CAPN9: variants seen among roughly 807,000 people sequenced by gnomAD.
CAPN9 encodes the protein calpain-9.
A neutral mutation model predicts 92.8 loss-of-function variants in CAPN9; 81 were observed. That is an observed-to-expected ratio of 0.87 (90% CI 0.73 to 1.05). The LOEUF (loss-of-function observed/expected upper bound fraction) is 1.05. Ranked by LOEUF, CAPN9 falls within the 50% of genes least tolerant of loss-of-function variation. CAPN9 has a pLI of 0.00. For synonymous variants in CAPN9, 304 were observed against 328.0 expected (o/e 0.93, Z 0.79); for missense variants, 848 against 866.2 (o/e 0.98, Z 0.26).
intron 1 of CAPN9, among the ~76,000 whole-genome samples, chr1:230,751,593 GAAA>G: frequency 6.2e-5 from 1 of 16,084 alleles, no homozygotes; most frequent in East Asian, 1.8e-3. Flanking sequence ...AACAAAGAAA[GAAA>G]GAAAGAAAGA....
At chr1:230,760,626 G>A (rs1665571237) in intron 3 of CAPN9, among the ~76,000 whole-genome samples, 1 of 152,190 alleles carries the variant, frequency 6.6e-6, no homozygotes, top group South Asian at 2.1e-4. Flanking sequence ...GGCCTCCTGC[G>A]CCGGCTGGGG....
Position 230,759,504 on chromosome 1 carries a change from T to G in CAPN9, c.284-8T>G. The G allele has an allele frequency of 6.3e-7, 1 of 1,587,396 alleles. No individual in the cohort carries two copies. The highest frequency in any genetic ancestry group is 8.6e-7 in the Non-Finnish European group (1 of 1,166,804). On this transcript the variant is annotated splice_region_variant and splice_polypyrimidine_tract_variant and intron_variant, in intron 2 of 19. Coordinates refer to ENST00000271971, the MANE Select transcript of CAPN9 (RefSeq NM_006615.3). The stretch of plus-strand genomic sequence containing the variant: ...TGAAAATTGTGATTTATGGCTTCCA[T>G]TTTGCAGGAGACTGCTGGCTATTAG...
chr1:230,761,875 A>T (rs1384502671), intron 3 of CAPN9, among the ~76,000 whole-genome samples: 3 of 152,184 alleles, frequency 2.0e-5, no homozygotes, highest in Non-Finnish European at 4.4e-5. Context: ...ACAAGCTCAT[A>T]CACATGCATA....
rs923651649 is a variant in CAPN9 at position 230,752,084 on chromosome 1, G to A, written c.214-3253G>A. ...ACACGCACATGCAGGACACTCACACGTAGACAATGCTCCCAAGTGCACATG... is the reference window on the plus strand; with the variant it reads ...ACACGCACATGCAGGACACTCACACATAGACAATGCTCCCAAGTGCACATG... On this transcript the variant is annotated intron_variant, in intron 1 of 19. Transcript: ENST00000271971. Among the ~76,000 whole-genome samples, 8 of 152,262 alleles carry A rather than the reference G, an allele frequency of 5.3e-5. No homozygotes were observed. The South Asian group carries it at 8.3e-4, about 16-fold the overall frequency.
At position 230,768,142 on chromosome 1, in the gene CAPN9, G is replaced by A. The variant is rs939103135; in HGVS notation, c.705+433G>A. ...GGTGTGTGTCTGGAGTCTGAGGCAG[G>A]AGGATCCCTTGAGCCCAGGAGTTTG... On this transcript the variant is annotated intron_variant, in intron 5 of 19. Coordinates refer to ENST00000271971, the MANE Select transcript of CAPN9 (RefSeq NM_006615.3). Among the ~76,000 whole-genome samples the A allele has an allele frequency of 5.9e-5, 9 of 152,078 alleles. No individual in the cohort carries two copies. The South Asian group carries it at 1.5e-3, about 25-fold the overall frequency.
intron 1 of CAPN9, among the ~76,000 whole-genome samples, chr1:230,751,320 G>A (rs970794040): frequency 6.6e-5 from 10 of 152,112 alleles, no homozygotes; most frequent in African/African-American, 2.4e-4. Flanking sequence ...TCGGCACATA[G>A]CTATGAACAG....
Position 230,747,617 on chromosome 1 carries a change from A to T in CAPN9, c.121A>T (p.Thr41Ser), listed in dbSNP as rs1571996883. Reference protein sequence around the residue: ...QMRQECLQRGTLFEDADFPAS... With the variant: ...QMRQECLQRGSLFEDADFPAS... ...GAGGCAGGAGTGCCTGCAGAGAGGC[A>T]CCCTGTTTGAGGATGCAGACTTCCC... Residue 41 changes from threonine (T) to serine (S), a missense_variant, in exon 1 of 20, where the codon ACC (threonine) becomes TCC (serine). Physicochemically the swap from Thr to Ser is moderately conservative, Grantham distance 58. Coordinates refer to ENST00000271971, the MANE Select transcript of CAPN9 (RefSeq NM_006615.3). The T allele has an allele frequency of 6.2e-7, 1 of 1,613,950 alleles. No homozygotes were observed. Among genetic ancestry groups the T allele is most frequent in the South Asian group, 1.1e-5 (1 of 91,064 alleles).
Position 230,759,527 on chromosome 1 carries a change from T to A in CAPN9, c.299T>A (p.Leu100Ter), listed in dbSNP as rs1270836258. The A allele has an allele frequency of 6.2e-7, 1 of 1,609,148 alleles. No individual in the cohort carries two copies. Reference protein sequence around the residue: ...CQGELGDCWLLAAIASLTLNQ... With the variant: ...CQGELGDCWL ...CATTTTGCAGGAGACTGCTGGCTAT[T>A]AGCCGCCATCGCCTCCCTTACGCTT... Residue 100 changes from leucine to a stop codon, truncating the protein, a stop_gained, in exon 3 of 20, where the codon TTA becomes TAA. Coordinates refer to ENST00000271971, the MANE Select transcript of CAPN9 (RefSeq NM_006615.3). LOFTEE classifies it high-confidence loss of function.
chr1:230,762,417 G>C (rs1665703303), intron 3 of CAPN9, among the ~76,000 whole-genome samples: 1 of 152,216 alleles, frequency 6.6e-6, no homozygotes. Context: ...GCTTTGATGG[G>C]TTGACCCTGA....
chr1:230,787,118 G>A (rs907929115), intron 12 of CAPN9, among the ~76,000 whole-genome samples: 1 of 152,318 alleles, frequency 6.6e-6, no homozygotes, highest in Non-Finnish European at 1.5e-5. Flanking sequence ...GAGCTTAGTG[G>A]TAGAAACAGA....
At chr1:230,784,456 G>A (rs1339097029) in intron 11 of CAPN9, among the ~76,000 whole-genome samples, 1 of 152,254 alleles carries the variant, frequency 6.6e-6, no homozygotes, top group Non-Finnish European at 1.5e-5. Context: ...CAGGCCTAGG[G>A]CCCCACTGCT....
intron 14 of CAPN9, among the ~76,000 whole-genome samples, chr1:230,791,138 G>A (rs943915699): frequency 2.0e-5 from 3 of 152,162 alleles, no homozygotes; most frequent in South Asian, 2.1e-4. Flanking sequence ...TGGTGGCCAC[G>A]TGGGTTGTTA....
intron 1 of CAPN9, 73 bp downstream of exon 1, chr1:230,747,782 G>A: frequency 2.9e-6 from 4 of 1,372,604 alleles, no homozygotes; most frequent in Non-Finnish European, 4.1e-6. Context: ...AGTGGAAACA[G>A]GGGTGCTGGG....
At chr1:230,800,254 G>T (rs1194714205) in intron 19 of CAPN9, among the ~76,000 whole-genome samples, 1 of 113,792 alleles carries the variant, frequency 8.8e-6, no homozygotes, top group Non-Finnish European at 1.9e-5. Context: ...AAGAAAGAAA[G>T]AAAGAAAGAA....
intron 3 of CAPN9, among the ~76,000 whole-genome samples, chr1:230,761,931 GCATGCACACATA>G (rs1321353736): frequency 6.6e-6 from 1 of 152,166 alleles, no homozygotes; most frequent in East Asian, 1.9e-4. Flanking sequence ...GCAAACACAT[GCATGCACACATA>G]CATGCACACA....
intron 19 of CAPN9, among the ~76,000 whole-genome samples, chr1:230,799,051 G>A (rs1406404174): frequency 1.3e-5 from 2 of 151,866 alleles, no homozygotes; most frequent in East Asian, 1.9e-4. Flanking sequence ...TTCTTTCCAG[G>A]TCTGCTTTCT....
intron 8 of CAPN9, among the ~76,000 whole-genome samples, chr1:230,777,688 A>C (rs10779852): frequency 0.8 from 121,108 of 151,884 alleles, 49,168 homozygotes; most frequent in African/African-American, 0.93. Context: ...CCACCCCACT[A>C]ACCCTGATCT....
chr1:230,770,264 A>G (rs28359652), intron 6 of CAPN9, among the ~76,000 whole-genome samples: 1,950 of 152,312 alleles, frequency 0.013, 44 homozygotes, highest in African/African-American at 0.045. Flanking sequence ...TAAAAGTCCC[A>G]GTCTGAGGGC....
rs1327086775 is a variant in CAPN9, at chr1:230,747,391, C to T, written c.-106C>T. 5.3e-6 allele frequency: 5 copies of T among 944,304 alleles called. No individual in the cohort carries two copies. Among genetic ancestry groups the T allele is most frequent in the Admixed American group, 5.3e-5 (3 of 56,818 alleles). 58.5% of individuals were successfully genotyped at this position (944,304 alleles called of 1,614,324 possible). A position where few individuals can be genotyped will look rare whatever the true frequency, so the allele number is the denominator to read the frequency against. Reference sequence around the variant, plus strand: ...TAGGTGGAGGTGAGGGCCACTCAGCCCAGTGGCCCTCTGAGCTGTTCCTTC... The same window carrying T: ...TAGGTGGAGGTGAGGGCCACTCAGCTCAGTGGCCCTCTGAGCTGTTCCTTC... On this transcript the variant is annotated 5_prime_UTR_variant, in exon 1 of 20. Transcript: ENST00000271971.
Sources: allele counts gnomAD v4.1 joint callset (sites outside exome capture counted in the v4.1 genomes callset), GRCh38; gene constraint gnomAD v4.1.1; transcripts MANE v1.5; gene names NCBI Gene and HGNC (gene_info 2026-07-23, HGNC 2026-07-21).